AFG2A: variants seen among roughly 807,000 people sequenced by gnomAD.
AFG2A encodes AAA ATPase AFG2A.
the AFG2A span, among the ~76,000 whole-genome samples, chr4:123,053,045 T>C: frequency 4.3e-3 from 662 of 152,286 alleles, 2 homozygotes; most frequent in Middle Eastern, 0.01. Flanking sequence ...ACCTGCTTTT[T>C]CTAGCCACAC....
chr4:123,043,324 A>G, the AFG2A span, among the ~76,000 whole-genome samples: 2 of 152,234 alleles, frequency 1.3e-5, no homozygotes, highest in South Asian at 4.1e-4. Context: ...ATAATGATGC[A>G]TCTTGATGTA....
At chr4:122,923,099 T>C in the AFG2A span, 10 of 1,609,756 alleles carry the variant, frequency 6.2e-6, no homozygotes, top group African/African-American at 2.7e-5. Flanking sequence ...AGCGCGCACA[T>C]TGAGTCGGCT....
At chr4:123,299,201 A>G in the AFG2A span, among the ~76,000 whole-genome samples, 7 of 152,056 alleles carry the variant, frequency 4.6e-5, no homozygotes, top group Non-Finnish European at 8.8e-5. Context: ...CAAAGAGAAG[A>G]GAGTTGGTGG....
At chr4:122,963,142 G>A in the AFG2A span, among the ~76,000 whole-genome samples, 1 of 152,166 alleles carries the variant, frequency 6.6e-6, no homozygotes, top group East Asian at 1.9e-4. Flanking sequence ...CAATGAATAA[G>A]ATAGACTTGG....
chr4:123,152,155 A>T, the AFG2A span, among the ~76,000 whole-genome samples: 1 of 152,146 alleles, frequency 6.6e-6, no homozygotes, highest in Non-Finnish European at 1.5e-5. Context: ...GGGGAGGGAT[A>T]ACATTAGGAG....
the AFG2A span, among the ~76,000 whole-genome samples, chr4:123,127,992 A>AT: frequency 6.6e-6 from 1 of 152,180 alleles, no homozygotes; most frequent in African/African-American, 2.4e-5. Context: ...ACATATACTG[A>AT]TGGTATTACT....
the AFG2A span, among the ~76,000 whole-genome samples, chr4:123,185,314 T>C: frequency 6.6e-6 from 1 of 152,060 alleles, no homozygotes; most frequent in Non-Finnish European, 1.5e-5. Context: ...CTATCTAGTA[T>C]TCAAAGGTTC....
chr4:123,102,997 A>G, the AFG2A span, among the ~76,000 whole-genome samples: 2 of 152,084 alleles, frequency 1.3e-5, no homozygotes, highest in African/African-American at 4.8e-5. Context: ...AAGTTTGGAA[A>G]AAAATGAACC....
At chr4:123,017,562 G>A in the AFG2A span, among the ~76,000 whole-genome samples, 1 of 151,698 alleles carries the variant, frequency 6.6e-6, no homozygotes, top group African/African-American at 2.4e-5. Context: ...GAAGCATTTG[G>A]AAATTTATAA....
chr4:123,068,046 G>A, the AFG2A span, among the ~76,000 whole-genome samples: 115,328 of 152,144 alleles, frequency 0.76, 47,241 homozygotes, highest in East Asian at 0.97. Flanking sequence ...AAGGAAAAGA[G>A]AGTTAATGCT....
chr4:122,989,398 G>T, the AFG2A span, among the ~76,000 whole-genome samples: 18 of 152,178 alleles, frequency 1.2e-4, no homozygotes, highest in Admixed American at 2.6e-4. Flanking sequence ...TTAGTGCTGG[G>T]ATGGGGCTGG....
the AFG2A span, among the ~76,000 whole-genome samples, chr4:123,132,198 T>C: frequency 6.6e-6 from 1 of 152,178 alleles, no homozygotes; most frequent in Non-Finnish European, 1.5e-5. Flanking sequence ...ACATTGTTAT[T>C]AACTGTAGTC....
At chr4:123,240,249 G>A in the AFG2A span, among the ~76,000 whole-genome samples, 2 of 152,162 alleles carry the variant, frequency 1.3e-5, no homozygotes, top group African/African-American at 4.8e-5. Context: ...AGGATATCCA[G>A]GACTTGAACT....
chr4:123,116,198 C>G, the AFG2A span, among the ~76,000 whole-genome samples: 2 of 152,154 alleles, frequency 1.3e-5, no homozygotes, highest in African/African-American at 2.4e-5. Context: ...GGACGTTTCT[C>G]TTTTCAGAAA....
the AFG2A span, among the ~76,000 whole-genome samples, chr4:122,943,161 C>A: frequency 6.6e-6 from 1 of 152,144 alleles, no homozygotes; most frequent in Non-Finnish European, 1.5e-5. Context: ...CCACTTGTTG[C>A]AGAGCTGAGT....
the AFG2A span, among the ~76,000 whole-genome samples, chr4:123,259,736 T>C: frequency 0.022 from 3,313 of 152,302 alleles, 65 homozygotes; most frequent in Non-Finnish European, 0.035. Context: ...AAGAGTTTTA[T>C]CTGTAACAGA....
chr4:123,029,944 T>C, the AFG2A span, among the ~76,000 whole-genome samples: 1 of 152,140 alleles, frequency 6.6e-6, no homozygotes, highest in Non-Finnish European at 1.5e-5. Context: ...CAGCAAAGGT[T>C]GCGGTTTTAA....
the AFG2A span, among the ~76,000 whole-genome samples, chr4:123,156,319 A>T: frequency 6.6e-6 from 1 of 151,916 alleles, no homozygotes; most frequent in South Asian, 2.1e-4. Context: ...TGAAACAAAC[A>T]TGTTAAAAGA....
the AFG2A span, among the ~76,000 whole-genome samples, chr4:123,094,801 C>T: frequency 2.6e-5 from 4 of 151,778 alleles, no homozygotes; most frequent in African/African-American, 9.7e-5. Context: ...AAGTCTACCA[C>T]GAACAGTTTT....
Sources: gnomAD v4.1 joint callset for allele counts (sites outside exome capture counted in the v4.1 genomes callset) on GRCh38, gnomAD v4.1.1 for gene constraint, MANE v1.5 for transcripts, NCBI Gene and HGNC (gene_info 2026-07-23, HGNC 2026-07-21) for gene names.